Variants in GBE1 observed in about 807,000 individuals in gnomAD.
The protein encoded by GBE1 is 1,4-alpha-glucan-branching enzyme.
GBE1 carries 70 observed loss-of-function variants against 88.8 expected under a neutral mutation model. The observed-to-expected ratio is 0.79, with a 90% CI of 0.65 to 0.96. The LOEUF is 0.96. Ranked by LOEUF, GBE1 falls within the 40% of genes least tolerant of loss-of-function variation. The pLI is 0.00. For missense variants in GBE1, 872 were observed against 871.0 expected (o/e 1.00, Z -0.01); for synonymous variants, 284 against 300.1 (o/e 0.95, Z 0.56).
intron 9 of GBE1, among the ~76,000 whole-genome samples, chr3:81,589,611 T>C (rs1703849357): frequency 1.3e-5 from 2 of 151,924 alleles, no homozygotes. Flanking sequence ...GCTCCCTAGA[T>C]GATGAAACTA....
At chr3:81,622,718 G>A (rs1011400225) in intron 7 of GBE1, among the ~76,000 whole-genome samples, 4 of 152,104 alleles carry the variant, frequency 2.6e-5, no homozygotes, top group African/African-American at 9.7e-5. Context: ...ATTTGTGAAT[G>A]GCTACAGTGT....
chr3:81,507,614 G>A (rs1013363867), intron 14 of GBE1, among the ~76,000 whole-genome samples: 4 of 151,368 alleles, frequency 2.6e-5, no homozygotes, highest in Non-Finnish European at 5.9e-5. Context: ...TGTAATCAAA[G>A]CAAATTTTAA....
intron 7 of GBE1, among the ~76,000 whole-genome samples, chr3:81,607,782 C>A (rs1048536579): frequency 5.3e-5 from 8 of 152,116 alleles, no homozygotes; most frequent in Non-Finnish European, 1.2e-4. Flanking sequence ...CAATTGGTAA[C>A]AATTTAATTC....
At chr3:81,719,364 G>A (rs372450987) in intron 1 of GBE1, among the ~76,000 whole-genome samples, 15 of 152,092 alleles carry the variant, frequency 9.9e-5, no homozygotes, top group East Asian at 3.9e-4. Context: ...TTACAGGCAC[G>A]TGCCACCATG....
At chr3:81,497,879 T>C (rs967873824) in intron 15 of GBE1, among the ~76,000 whole-genome samples, 3 of 152,196 alleles carry the variant, frequency 2.0e-5, no homozygotes, top group African/African-American at 7.2e-5. Flanking sequence ...CAAAACTATT[T>C]TTATCAAACT....
At chr3:81,657,448 AAC>A (rs1330417468) in intron 3 of GBE1, among the ~76,000 whole-genome samples, 4 of 152,168 alleles carry the variant, frequency 2.6e-5, no homozygotes, top group Non-Finnish European at 5.9e-5. Context: ...GAAAATCAGA[AAC>A]ACTCTTCATC....
intron 14 of GBE1, among the ~76,000 whole-genome samples, chr3:81,524,819 T>C (rs1043583329): frequency 3.9e-5 from 6 of 151,952 alleles, no homozygotes; most frequent in African/African-American, 1.4e-4. Context: ...AGCTCTGTAG[T>C]ATAATTTGAA....
In GBE1 at chr3:81,676,858, G is replaced by A. The variant is rs549684883; in HGVS notation, c.314-5905C>T. Among the ~76,000 whole-genome samples the A allele has an allele frequency of 2.0e-5, 3 of 152,176 alleles. No homozygotes were observed. In the East Asian group the frequency reaches 5.8e-4, roughly 29 times the overall value. ...AAAACAAGCTGACAAAATTTAAATC[G>A]AGATATGGAAAAGAAACAGTGTGAT... On this transcript the variant is annotated intron_variant, in intron 2 of 15. Coordinates refer to ENST00000429644, the MANE Select transcript of GBE1 (RefSeq NM_000158.4).
chr3:81,574,722 T>G (rs1295233583), intron 12 of GBE1, among the ~76,000 whole-genome samples: 1 of 152,198 alleles, frequency 6.6e-6, no homozygotes, highest in Non-Finnish European at 1.5e-5. Context: ...AGTCGAAGTT[T>G]TAGCAAAATG....
chr3:81,535,905 T>C (rs544071568), intron 13 of GBE1, among the ~76,000 whole-genome samples: 169 of 152,138 alleles, frequency 1.1e-3, no homozygotes, highest in Non-Finnish European at 2.1e-3. Flanking sequence ...TCTCTTCTTT[T>C]CTTCATCATC....
At chr3:81,631,803 A>G (rs1704516416) in intron 7 of GBE1, among the ~76,000 whole-genome samples, 1 of 151,880 alleles carries the variant, frequency 6.6e-6, no homozygotes, top group African/African-American at 2.4e-5. Flanking sequence ...TTGAAATTAT[A>G]TTTTACTTTT....
In GBE1 at chr3:81,614,227, C is replaced by A. The variant is rs1357211706; in HGVS notation, c.993-20204G>T. On this transcript the variant is annotated intron_variant, in intron 7 of 15. Transcript: ENST00000429644. ...ATCTCATCTAATATTACTAGGTCAA[C>A]AATTTTTAAAATATCTTTCTCTATA... 3.3e-5 allele frequency among the ~76,000 whole-genome samples: 5 copies of A among 152,274 alleles called. No homozygotes were observed. In the South Asian group the frequency reaches 1.0e-3, roughly 32 times the overall value.
intron 1 of GBE1, among the ~76,000 whole-genome samples, chr3:81,734,829 C>T (rs573759216): frequency 2.4e-4 from 37 of 152,240 alleles, no homozygotes; most frequent in South Asian, 1.4e-3. Flanking sequence ...CACCCACTTT[C>T]TGTAGTTTTA....
At chr3:81,577,248 T>C (rs1184425880) in intron 12 of GBE1, among the ~76,000 whole-genome samples, 1 of 152,118 alleles carries the variant, frequency 6.6e-6, no homozygotes, top group African/African-American at 2.4e-5. Context: ...CCTGAGTCTT[T>C]TATTGTAGAA....
At position 81,625,466 on chromosome 3, in the gene GBE1, TCTCA is replaced by T. The variant is rs201737754; in HGVS notation, c.992+17311_992+17314del. Among the ~76,000 whole-genome samples, 33 of 152,162 alleles carry T rather than the reference TCTCA, an allele frequency of 2.2e-4. No individual in the cohort carries two copies. In the East Asian group the frequency reaches 6.2e-3, roughly 29 times the overall value. On this transcript the variant is annotated intron_variant, in intron 7 of 15. Transcript: ENST00000429644. ...TGGACTGTTTTTTTTTTAGACTGTG[TCTCA>T]CTCTGTTGCCCAGGCTGGAGTGCAG...
At chr3:81,644,127 G>A (rs1014455792) in intron 6 of GBE1, among the ~76,000 whole-genome samples, 2 of 150,678 alleles carry the variant, frequency 1.3e-5, no homozygotes, top group African/African-American at 4.9e-5. Context: ...CATCTACCAC[G>A]TACCATGACA....
chr3:81,595,427 C>T (rs1321777014), intron 7 of GBE1, among the ~76,000 whole-genome samples: 1 of 151,654 alleles, frequency 6.6e-6, no homozygotes, highest in Non-Finnish European at 1.5e-5. Flanking sequence ...TTTAGATTCA[C>T]AGAAAAATTG....
At chr3:81,498,385 G>A (rs1365746452) in intron 15 of GBE1, among the ~76,000 whole-genome samples, 2 of 152,064 alleles carry the variant, frequency 1.3e-5, no homozygotes, top group Non-Finnish European at 2.9e-5. Flanking sequence ...TGTTAGGTAC[G>A]TCCTAGAATT....
chr3:81,674,715 C>G (rs1472469980), intron 2 of GBE1, among the ~76,000 whole-genome samples: 6 of 151,724 alleles, frequency 4.0e-5, no homozygotes, highest in Non-Finnish European at 8.8e-5. Context: ...CAAGCCATAT[C>G]AGAGCCTATC....
Sources: gnomAD v4.1 joint callset for allele counts (sites outside exome capture counted in the v4.1 genomes callset) on GRCh38, gnomAD v4.1.1 for gene constraint, MANE v1.5 for transcripts, NCBI Gene and HGNC (gene_info 2026-07-23, HGNC 2026-07-21) for gene names.